CEP120: variants seen among roughly 807,000 people sequenced by gnomAD.
CEP120 encodes centrosomal protein of 120 kDa.
CEP120 carries 113 observed loss-of-function variants against 126.5 expected under a neutral mutation model. The observed-to-expected ratio is 0.89, with a 90% CI of 0.77 to 1.04. The LOEUF (loss-of-function observed/expected upper bound fraction) is 1.04, where lower values mean the gene tolerates loss of function less well. Among genes scored for constraint, CEP120 ranks in the 50% least tolerant of loss-of-function variants. The pLI is 0.00. For missense variants in CEP120, 1,230 were observed against 1,155.7 expected, an observed-to-expected ratio of 1.06 and a Z score of -0.93; for synonymous variants, 400 against 394.3, an observed-to-expected ratio of 1.01 and a Z score of -0.17.
At position 123,346,720 on chromosome 5, in the gene CEP120, A is replaced by G. The variant is rs1768850917; in HGVS notation, c.2760T>C (p.Asp920=). ...TTTTTCCACTTGCAATCTCTGTGGA[A>G]TCCTGGTATTGTTTTTGCTCTTGTT... The part of the protein sequence containing the change: ...LRQQEQKQYQ[D]STEIASGKKD... Residue 920 remains aspartate, a synonymous_variant, in exon 20 of 20, where the codon GAT becomes GAC. Coordinates refer to ENST00000306467, the MANE Select transcript of CEP120 (RefSeq NM_001375405.1). 1.2e-6 allele frequency: 2 copies of G among 1,612,108 alleles called. No homozygotes were observed. The highest frequency in any genetic ancestry group is 2.2e-5 in the South Asian group (2 of 90,554).
Position 123,385,094 on chromosome 5 carries a change from CATTTTATCCT to C in CEP120, c.1610_1619del (p.Lys537ArgfsTer26). ...CAATTCCCAGAAGTAAATCTTTACT[CATTTTATCCT>C]TGTGCCATAGTTCAACCAGTAATGG... On this transcript the variant is annotated frameshift_variant, in exon 11 of 20. Transcript: ENST00000306467. LOFTEE classifies it high-confidence loss of function. 6.2e-7 allele frequency: 1 copy of C among 1,613,502 alleles called. No homozygotes were observed. Among genetic ancestry groups the C allele is most frequent in the Non-Finnish European group, 8.5e-7 (1 of 1,179,686 alleles).
At chr5:123,398,105 G>A (rs1580712227) in intron 5 of CEP120, among the ~76,000 whole-genome samples, 1 of 152,102 alleles carries the variant, frequency 6.6e-6, no homozygotes, top group South Asian at 2.1e-4. Flanking sequence ...GTGGGGAGGG[G>A]AATACTCTGA....
chr5:123,353,781 T>C (rs1019100197), intron 18 of CEP120, among the ~76,000 whole-genome samples: 7 of 152,132 alleles, frequency 4.6e-5, no homozygotes, highest in Non-Finnish European at 1.0e-4. Context: ...GTAAATGTCT[T>C]TGAGATCTAT....
chr5:123,417,788 C>G (rs1774476547), intron 2 of CEP120, among the ~76,000 whole-genome samples: 1 of 151,710 alleles, frequency 6.6e-6, no homozygotes, highest in African/African-American at 2.4e-5. Context: ...ATTGCCTGGG[C>G]TCTACCACTA....
chr5:123,399,177 T>TA lies in CEP120; in HGVS notation c.570dup (p.Ile191TyrfsTer28). ...GCAAATGCTATGGTCACTGACATAATAAAGGAGTCAGTACAGTATTCTGCT... is the reference window on the plus strand; with the variant it reads ...GCAAATGCTATGGTCACTGACATAATAAAAGGAGTCAGTACAGTATTCTGCT... On this transcript the variant is annotated frameshift_variant, in exon 5 of 20. Coordinates refer to ENST00000306467, the MANE Select transcript of CEP120 (RefSeq NM_001375405.1). LOFTEE classifies it high-confidence loss of function. 6.2e-7 allele frequency: 1 copy of TA among 1,613,714 alleles called. No homozygotes were observed. The highest frequency in any genetic ancestry group is 8.5e-7 in the Non-Finnish European group (1 of 1,179,718).
At position 123,345,778 on chromosome 5, in the gene CEP120, A is replaced by G. The variant is rs1393560058; in HGVS notation, c.*741T>C. ...GTTTAAGCTGACAGCTAGTATTACTATAACTGGAAAATAAAAAGAAATCTC... is the reference window on the plus strand; with the variant it reads ...GTTTAAGCTGACAGCTAGTATTACTGTAACTGGAAAATAAAAAGAAATCTC... On this transcript the variant is annotated 3_prime_UTR_variant, in exon 20 of 20. Coordinates refer to ENST00000306467, the MANE Select transcript of CEP120 (RefSeq NM_001375405.1). 6.6e-6 allele frequency: 1 copy of G among 152,174 alleles called. No homozygotes were observed. Among genetic ancestry groups the G allele is most frequent in the Non-Finnish European group, 1.5e-5 (1 of 68,032 alleles). 9.4% of individuals were successfully genotyped at this position (152,174 alleles called of 1,614,324 possible).
At chr5:123,395,165 A>G (rs1020218114) in intron 5 of CEP120, among the ~76,000 whole-genome samples, 3 of 152,346 alleles carry the variant, frequency 2.0e-5, no homozygotes, top group Admixed American at 2.0e-4. Flanking sequence ...TTAATTCTGA[A>G]TTATTCCCAT....
intron 17 of CEP120, among the ~76,000 whole-genome samples, chr5:123,371,498 A>C (rs1324928150): frequency 6.6e-6 from 1 of 151,948 alleles, no homozygotes; most frequent in East Asian, 1.9e-4. Context: ...CTCCCACAAC[A>C]TCTGGGAATT....
In CEP120 at chr5:123,418,377, T is replaced by C. The variant is rs1192511699; in HGVS notation, c.188A>G (p.Lys63Arg). ...ATELAWEIDR[K>R]ALHQHRLQRT... ...TAATCACCTGTGCTGATGAAGCGCT[T>C]TCCTGTCAATTTCCCAAGCTAACTC... Residue 63 changes from lysine (K) to arginine (R), a missense_variant, in exon 2 of 20, where the codon AAA (lysine) becomes AGA (arginine). Coordinates refer to ENST00000306467, the MANE Select transcript of CEP120 (RefSeq NM_001375405.1). 1.2e-6 allele frequency: 2 copies of C among 1,604,386 alleles called. No individual in the cohort carries two copies. The highest frequency in any genetic ancestry group is 2.2e-5 in the South Asian group (2 of 89,708).
intron 19 of CEP120, 116 bp from the exon 20 acceptor site, chr5:123,346,869 A>G: frequency 1.3e-6 from 1 of 751,634 alleles, no homozygotes; most frequent in South Asian, 3.2e-5. Context: ...TTTCAGGAAG[A>G]AAACAAACCA....
intron 16 of CEP120, among the ~76,000 whole-genome samples, chr5:123,373,288 A>AG (rs1275135775): frequency 2.0e-5 from 3 of 152,074 alleles, no homozygotes; most frequent in African/African-American, 7.2e-5. Flanking sequence ...ATAAAAACAG[A>AG]GAAAGAGATT....
intron 18 of CEP120, among the ~76,000 whole-genome samples, chr5:123,359,387 T>C (rs1007279195): frequency 2.6e-5 from 4 of 152,102 alleles, no homozygotes; most frequent in Admixed American, 1.3e-4. Flanking sequence ...AAGTAGGTTT[T>C]ATTCTGCTTA....
chr5:123,385,142 G>A lies in CEP120; in HGVS notation c.1581-9C>T. The A allele has an allele frequency of 2.5e-6, 4 of 1,605,892 alleles. No individual in the cohort carries two copies. In the South Asian group the frequency reaches 4.4e-5, roughly 18 times the overall value. Reference sequence around the variant, plus strand: ...CAACCAGTAATGGAATCCTAAGGAAGAGAGAAACATGTGTTCATACCTATC... The same window carrying A: ...CAACCAGTAATGGAATCCTAAGGAAAAGAGAAACATGTGTTCATACCTATC... On this transcript the variant is annotated splice_polypyrimidine_tract_variant and intron_variant, in intron 10 of 19. Coordinates refer to ENST00000306467, the MANE Select transcript of CEP120 (RefSeq NM_001375405.1).
chr5:123,392,778 G>A (rs1025934403), intron 6 of CEP120, among the ~76,000 whole-genome samples: 4 of 152,144 alleles, frequency 2.6e-5, no homozygotes, highest in Non-Finnish European at 4.4e-5. Flanking sequence ...TCAAAGTGCT[G>A]GAATTATAGG....
At chr5:123,372,394 T>A (rs186262581) in intron 17 of CEP120, among the ~76,000 whole-genome samples, 147 of 152,210 alleles carry the variant, frequency 9.7e-4, no homozygotes, top group Admixed American at 6.0e-3. Context: ...TCCTGAAAGT[T>A]TTGTAAATCC....
At chr5:123,372,477 T>C (rs187983785) in intron 17 of CEP120, among the ~76,000 whole-genome samples, 173 bp downstream of exon 17, 4 of 152,114 alleles carry the variant, frequency 2.6e-5, no homozygotes, top group African/African-American at 7.2e-5. Context: ...ACAACTGACA[T>C]AAGCCAAGAA....
At position 123,388,572 on chromosome 5, in the gene CEP120, T is replaced by G. The variant is rs777500110; in HGVS notation, c.1290A>C (p.Leu430=). The G allele has an allele frequency of 6.3e-7, 1 of 1,597,550 alleles. No homozygotes were observed. Among genetic ancestry groups the G allele is most frequent in the South Asian group, 1.1e-5 (1 of 87,466 alleles). Reference sequence around the variant, plus strand: ...CTTCTGAAGCATTGGATGTAGTCACTAGCTGGGCCAGTGAAGCAGGTACAG... The same window carrying G: ...CTTCTGAAGCATTGGATGTAGTCACGAGCTGGGCCAGTGAAGCAGGTACAG... ...SSSVPASLAQ[L]VTTSNASEVA... The change falls in exon 9 of 20, where the codon CTA becomes CTC. Residue 430 remains leucine, a synonymous_variant. Transcript: ENST00000306467.
chr5:123,393,292 A>G lies in CEP120; in HGVS notation c.810+8T>C. 1 of 1,613,906 alleles carries G rather than the reference A, an allele frequency of 6.2e-7. No homozygotes were observed. The highest frequency in any genetic ancestry group is 8.5e-7 in the Non-Finnish European group (1 of 1,179,802). ...CTCCAGCTAAAAACGATTTGCTGCA[A>G]TACTCACCTGCAGTTTAGACTGAAG... On this transcript the variant is annotated splice_region_variant and intron_variant, in intron 6 of 19. Coordinates refer to ENST00000306467, the MANE Select transcript of CEP120 (RefSeq NM_001375405.1).
Position 123,373,703 on chromosome 5 carries a change from C to T in CEP120, c.2359-931G>A, listed in dbSNP as rs140347347. Among the ~76,000 whole-genome samples the T allele has an allele frequency of 2.4e-4, 36 of 152,188 alleles. 1 individual carries two copies. Among genetic ancestry groups the T allele is most frequent in the African/African-American group, 6.0e-4 (25 of 41,552 alleles). ...TGTCCTTCCAATTCCTGAGTTCTAA[C>T]TCCAGGCTTGTGTTTTGAAGGGCTC... is the stretch of plus-strand genomic sequence containing the variant. On this transcript the variant is annotated intron_variant, in intron 16 of 19. Transcript: ENST00000306467.
Sources: gnomAD v4.1 joint callset for allele counts (sites outside exome capture counted in the v4.1 genomes callset) on GRCh38, gnomAD v4.1.1 for gene constraint, MANE v1.5 for transcripts, NCBI Gene and HGNC (gene_info 2026-07-23, HGNC 2026-07-21) for gene names.